The following OSBPL1A variants were observed in gnomAD, a reference collection of about 807,000 sequenced individuals.
OSBPL1A encodes oxysterol binding protein like 1A.
Under a neutral mutation model 137.1 loss-of-function variants are expected in OSBPL1A, and 80 were observed. The observed-to-expected ratio is 0.58, with a 90% CI of 0.49 to 0.70. OSBPL1A has a LOEUF of 0.70. Among genes scored for constraint, OSBPL1A ranks in the 30% least tolerant of loss-of-function variants. The pLI is 0.00. For missense variants in OSBPL1A, 970 were observed against 1,129.4 expected (o/e 0.86, Z 2.02); for synonymous variants, 365 against 389.7 (o/e 0.94, Z 0.75).
intron 15 of OSBPL1A, among the ~76,000 whole-genome samples, chr18:24,245,000 C>T (rs2146018438): frequency 6.6e-6 from 1 of 152,336 alleles, no homozygotes; most frequent in Non-Finnish European, 1.5e-5. Context: ...ACTGGCCACA[C>T]TCTGGTCAGT....
chr18:24,385,881 G>A (rs1599740062), intron 1 of OSBPL1A, among the ~76,000 whole-genome samples: 1 of 152,318 alleles, frequency 6.6e-6, no homozygotes, highest in African/African-American at 2.4e-5. Flanking sequence ...TTTAAAGATT[G>A]TAAGGCAAGA....
intron 18 of OSBPL1A, among the ~76,000 whole-genome samples, chr18:24,188,065 T>C (rs1435127745): frequency 1.3e-5 from 2 of 152,228 alleles, no homozygotes; most frequent in African/African-American, 4.8e-5. Context: ...GTAAGTCTGA[T>C]TTTGAATTTG....
chr18:24,287,772 A>AAAAATAAAATAAAATAAAAT (rs56768879), intron 14 of OSBPL1A, among the ~76,000 whole-genome samples: 16,765 of 135,984 alleles, frequency 0.12, 1,450 homozygotes, highest in Middle Eastern at 0.24. Flanking sequence ...ACTCTGTCTC[A>AAAAATAAAATAAAATAAAAT]AAAATAAAAT....
rs116044283 is a variant in OSBPL1A at position 24,172,947 on chromosome 18, G to A, written c.2094-464C>T. On this transcript the variant is annotated intron_variant, in intron 21 of 27. Transcript: ENST00000319481. ...CATTCTACCATAAAGATACATGCAC[G>A]GGAATGTTCACTGCAGCACTGTTCA... Among the ~76,000 whole-genome samples, 986 of 152,156 alleles carry A rather than the reference G, an allele frequency of 6.5e-3. 5 individuals carry two copies. The highest frequency in any genetic ancestry group is 0.022 in the African/African-American group (930 of 41,478).
intron 15 of OSBPL1A, among the ~76,000 whole-genome samples, chr18:24,254,439 T>C (rs931887157): frequency 2.6e-5 from 4 of 152,184 alleles, no homozygotes; most frequent in African/African-American, 7.2e-5. Flanking sequence ...AGATAGACCA[T>C]ATGTTAGGCC....
chr18:24,390,683 C>T lies in OSBPL1A; in HGVS notation c.-3+6972G>A, dbSNP rs184217868. ...CTACTTCAGCCTGGGCAACAGAGTG[C>T]GACTCCGTCTCAAAAAAAAAAAAAA... On this transcript the variant is annotated intron_variant, in intron 1 of 27. Coordinates refer to ENST00000319481, the MANE Select transcript of OSBPL1A (RefSeq NM_080597.4). Among the ~76,000 whole-genome samples, 548 of 100,912 alleles carry T rather than the reference C, an allele frequency of 5.4e-3. 5 individuals are homozygous for T. Among genetic ancestry groups the T allele is most frequent in the African/African-American group, 0.022 (510 of 22,684 alleles). 66.2% of individuals were successfully genotyped at this position (100,912 alleles called of 152,430 possible).
At chr18:24,166,279 G>A (rs568697661) in intron 26 of OSBPL1A, among the ~76,000 whole-genome samples, 4 of 152,246 alleles carry the variant, frequency 2.6e-5, no homozygotes, top group African/African-American at 9.6e-5. Flanking sequence ...CTGACAAGGT[G>A]CTATGTAAAT....
At position 24,257,818 on chromosome 18, in the gene OSBPL1A, A is replaced by G. The variant is rs143277990; in HGVS notation, c.1282-18436T>C. Among the ~76,000 whole-genome samples the G allele has an allele frequency of 8.9e-3, 1,356 of 152,372 alleles. 5 individuals carry two copies. The highest frequency in any genetic ancestry group is 0.015 in the Non-Finnish European group (1,015 of 68,034). ...AATAATGCTATTAAAACATGAGTCA[A>G]AGATTTGAACAGATATTTCTCAAAA... On this transcript the variant is annotated intron_variant, in intron 15 of 27. Coordinates refer to ENST00000319481, the MANE Select transcript of OSBPL1A (RefSeq NM_080597.4).
At chr18:24,183,013 T>C (rs1165964606) in intron 18 of OSBPL1A, among the ~76,000 whole-genome samples, 1 of 151,882 alleles carries the variant, frequency 6.6e-6, no homozygotes, top group Admixed American at 6.6e-5. Context: ...GGATTACAGA[T>C]GTGCACCACC....
intron 14 of OSBPL1A, among the ~76,000 whole-genome samples, chr18:24,300,496 G>C (rs888782660): frequency 6.6e-6 from 1 of 152,218 alleles, no homozygotes; most frequent in Non-Finnish European, 1.5e-5. Flanking sequence ...ATCTGAGTTA[G>C]AAGAGTTCCT....
chr18:24,238,965 A>G (rs1406108832), intron 16 of OSBPL1A, among the ~76,000 whole-genome samples: 3 of 152,188 alleles, frequency 2.0e-5, no homozygotes, highest in African/African-American at 7.2e-5. Context: ...TTTTAACAGC[A>G]CTCTAACCTA....
intron 5 of OSBPL1A, among the ~76,000 whole-genome samples, chr18:24,341,066 G>A (rs1360066747): frequency 2.0e-5 from 3 of 152,160 alleles, no homozygotes; most frequent in Non-Finnish European, 4.4e-5. Context: ...CTCAATCAGG[G>A]TTCATTGCAG....
intron 5 of OSBPL1A, among the ~76,000 whole-genome samples, chr18:24,339,192 A>G (rs1456365241): frequency 1.3e-5 from 2 of 151,602 alleles, no homozygotes; most frequent in Non-Finnish European, 2.9e-5. Context: ...GGCTGGTCTC[A>G]AACTTCTGAC....
Position 24,178,009 on chromosome 18 carries a change from T to G in OSBPL1A, c.2093+4A>C. 1.2e-6 allele frequency: 2 copies of G among 1,612,278 alleles called. No individual in the cohort carries two copies. The highest frequency in any genetic ancestry group is 1.7e-6 in the Non-Finnish European group (2 of 1,178,468). On this transcript the variant is annotated splice_donor_region_variant and intron_variant, in intron 21 of 27. Transcript: ENST00000319481. Reference sequence around the variant, plus strand: ...AAGAGTGTAATGGCTTGATCAGAACTCACTCAAGGAGCTCCAAGGTGATGG... The same window carrying G: ...AAGAGTGTAATGGCTTGATCAGAACGCACTCAAGGAGCTCCAAGGTGATGG...
chr18:24,396,152 G>A (rs1458710930), intron 1 of OSBPL1A, among the ~76,000 whole-genome samples: 1 of 151,158 alleles, frequency 6.6e-6, no homozygotes, highest in African/African-American at 2.4e-5. Context: ...CCGGGAGGCA[G>A]AGGTTGCAGT....
intron 21 of OSBPL1A, among the ~76,000 whole-genome samples, chr18:24,176,940 G>C (rs1335890011): frequency 6.6e-6 from 1 of 152,212 alleles, no homozygotes; most frequent in African/African-American, 2.4e-5. Flanking sequence ...AGACACCAGG[G>C]GGCGCTTTCT....
At chr18:24,230,153 G>A (rs989999882) in intron 16 of OSBPL1A, among the ~76,000 whole-genome samples, 3 of 152,230 alleles carry the variant, frequency 2.0e-5, no homozygotes, top group African/African-American at 7.2e-5. Context: ...AGCATGAAGG[G>A]AAGAGGTGCA....
intron 14 of OSBPL1A, among the ~76,000 whole-genome samples, chr18:24,289,712 G>A (rs2146085132): frequency 6.6e-6 from 1 of 152,176 alleles, no homozygotes; most frequent in Non-Finnish European, 1.5e-5. Flanking sequence ...GAGCCACCAT[G>A]CCAGCCTGTT....
intron 15 of OSBPL1A, among the ~76,000 whole-genome samples, chr18:24,247,828 C>A (rs1180570626): frequency 6.6e-6 from 1 of 152,030 alleles, no homozygotes; most frequent in Non-Finnish European, 1.5e-5. Flanking sequence ...GAATAAAATT[C>A]TTTTAAAAAA....
Sources: gnomAD v4.1 joint callset for allele counts (sites outside exome capture counted in the v4.1 genomes callset) on GRCh38, gnomAD v4.1.1 for gene constraint, MANE v1.5 for transcripts, NCBI Gene and HGNC (gene_info 2026-07-23, HGNC 2026-07-21) for gene names.